FBXO34: variants seen among roughly 807,000 people sequenced by gnomAD.
The protein encoded by FBXO34 is F-box protein 34.
FBXO34 carries 12 observed loss-of-function variants against 24.5 expected under a neutral mutation model. That is an observed-to-expected ratio of 0.49 (90% confidence interval 0.31 to 0.79). The LOEUF is 0.79. Among genes scored for constraint, FBXO34 ranks in the 30% least tolerant of loss-of-function variants. The pLI is 0.04. For missense variants in FBXO34, 823 were observed against 857.7 expected (o/e 0.96, Z 0.51); for synonymous variants, 320 against 311.9 (o/e 1.03, Z -0.27).
intron 1 of FBXO34, among the ~76,000 whole-genome samples, chr14:55,346,861 A>G (rs1279380035): frequency 6.6e-6 from 1 of 152,234 alleles, no homozygotes; most frequent in South Asian, 2.1e-4. Flanking sequence ...GAGATGCTTC[A>G]GTATGGACTG....
At chr14:55,333,420 A>G (rs937001366) in intron 1 of FBXO34, among the ~76,000 whole-genome samples, 2 of 152,178 alleles carry the variant, frequency 1.3e-5, no homozygotes, top group Non-Finnish European at 2.9e-5. Context: ...TTGGTTTGTT[A>G]ATAATTGAAG....
downstream of FBXO34, chr14:55,370,016 G>A (rs1884779005): frequency 7.9e-7 from 1 of 1,273,126 alleles, no homozygotes; most frequent in Non-Finnish European, 1.1e-6. Flanking sequence ...CACCTGAGGG[G>A]ATGAGGGACG....
In FBXO34 at chr14:55,352,379, G is replaced by A. The variant is rs745951101; in HGVS notation, c.1989G>A (p.Gly663=). The change falls in exon 2 of 2, where the codon GGG becomes GGA. Residue 663 remains glycine (G), a synonymous_variant. Coordinates refer to ENST00000313833, the MANE Select transcript of FBXO34 (RefSeq NM_017943.4). ...GCCAGGCATTGCCCTATGGGCCAGG[G>A]TATTGGATGTGCTGCCACCGGTCTC... The part of the protein sequence containing the change: ...PYCQALPYGP[G]YWMCCHRSQK... 5.6e-6 allele frequency: 9 copies of A among 1,614,224 alleles called. No individual in the cohort carries two copies. Among genetic ancestry groups the A allele is most frequent in the Non-Finnish European group, 7.6e-6 (9 of 1,180,040 alleles).
At chr14:55,293,444 A>G (rs1882013426) in intron 1 of FBXO34, among the ~76,000 whole-genome samples, 1 of 152,172 alleles carries the variant, frequency 6.6e-6, no homozygotes, top group Non-Finnish European at 1.5e-5. Flanking sequence ...TGGCCTCCCA[A>G]AGCACTGGGA....
At chr14:55,365,849 C>T (rs775061133), downstream of FBXO34, among the ~76,000 whole-genome samples, 5 of 152,148 alleles carry the variant, frequency 3.3e-5, no homozygotes, top group Non-Finnish European at 5.9e-5. Flanking sequence ...CCACAGTAGT[C>T]ACTCTTGGTA....
At chr14:55,275,106 A>G (rs894547023) in intron 1 of FBXO34, among the ~76,000 whole-genome samples, 4 of 152,214 alleles carry the variant, frequency 2.6e-5, no homozygotes, top group African/African-American at 7.2e-5. Context: ...CTGATGACAT[A>G]CTTTATTTTC....
chr14:55,415,813 C>T, the FBXO34 span, among the ~76,000 whole-genome samples: 1 of 152,110 alleles, frequency 6.6e-6, no homozygotes, highest in Admixed American at 6.5e-5. Context: ...TTGCAATGAG[C>T]AGAGTTCGCA....
downstream of FBXO34, among the ~76,000 whole-genome samples, chr14:55,365,596 C>T (rs1339902435): frequency 6.6e-6 from 1 of 152,114 alleles, no homozygotes; most frequent in African/African-American, 2.4e-5. Flanking sequence ...AATCTGTTTC[C>T]TGCATCAATC....
the FBXO34 span, chr14:55,386,176 C>A: frequency 8.3e-7 from 1 of 1,207,538 alleles, no homozygotes; most frequent in Non-Finnish European, 1.2e-6. Context: ...CACAAACATG[C>A]GTGTTTTCCC....
chr14:55,404,347 C>A, the FBXO34 span, among the ~76,000 whole-genome samples: 2 of 152,204 alleles, frequency 1.3e-5, no homozygotes, highest in African/African-American at 4.8e-5. Context: ...CTGCTCCCTT[C>A]TAAAAGAAAA....
At chr14:55,307,830 A>G (rs999760118) in intron 1 of FBXO34, among the ~76,000 whole-genome samples, 3 of 152,190 alleles carry the variant, frequency 2.0e-5, no homozygotes, top group African/African-American at 7.2e-5. Flanking sequence ...AATGACCTTC[A>G]TGCTCTCATA....
At chr14:55,398,368 A>G in the FBXO34 span, among the ~76,000 whole-genome samples, 8 of 152,272 alleles carry the variant, frequency 5.3e-5, no homozygotes, top group African/African-American at 1.9e-4. Context: ...ACTCAGGTCA[A>G]TTTTAAACTT....
At chr14:55,275,822 T>TAAAAA (rs1881318501) in intron 1 of FBXO34, among the ~76,000 whole-genome samples, 2 of 41,918 alleles carry the variant, frequency 4.8e-5, no homozygotes, top group Admixed American at 2.0e-4. Context: ...AGACTCTGTC[T>TAAAAA]CAAAAAAAAA....
At chr14:55,369,925 C>T (rs562870380), downstream of FBXO34, 3 of 1,597,838 alleles carry the variant, frequency 1.9e-6, no homozygotes, top group Non-Finnish European at 2.6e-6. Flanking sequence ...AGGGCCCTGA[C>T]CTGTGTGCAG....
At chr14:55,348,205 T>G (rs745674877) in intron 1 of FBXO34, among the ~76,000 whole-genome samples, 11 of 152,086 alleles carry the variant, frequency 7.2e-5, no homozygotes, top group Non-Finnish European at 1.5e-4. Context: ...GGTTGGTTGG[T>G]TGGGTTTGTT....
At chr14:55,280,526 A>AATTTTTTT (rs201409175) in intron 1 of FBXO34, among the ~76,000 whole-genome samples, 18 of 95,860 alleles carry the variant, frequency 1.9e-4, no homozygotes, top group South Asian at 3.0e-4. Context: ...TATATCAGGA[A>AATTTTTTT]CTTTTTTTTT....
intron 1 of FBXO34, among the ~76,000 whole-genome samples, chr14:55,288,774 G>C (rs1881846600): frequency 6.6e-6 from 1 of 152,198 alleles, no homozygotes; most frequent in Admixed American, 6.5e-5. Flanking sequence ...TATAGGGCCG[G>C]GCATGGTGGC....
chr14:55,279,970 C>A (rs528287200), intron 1 of FBXO34, among the ~76,000 whole-genome samples: 4 of 152,206 alleles, frequency 2.6e-5, no homozygotes, highest in African/African-American at 9.6e-5. Flanking sequence ...GTGAAACTTT[C>A]ATTTGCATTT....
chr14:55,356,647 A>G (rs946432391), downstream of FBXO34, among the ~76,000 whole-genome samples: 1 of 150,354 alleles, frequency 6.7e-6, no homozygotes, highest in African/African-American at 2.5e-5. Context: ...TTTACTAGAG[A>G]TGGGGTTTCA....
Sources: gnomAD v4.1 joint callset for allele counts (sites outside exome capture counted in the v4.1 genomes callset) on GRCh38, gnomAD v4.1.1 for gene constraint, MANE v1.5 for transcripts, NCBI Gene and HGNC (gene_info 2026-07-23, HGNC 2026-07-21) for gene names.